LRRIQ4: variants seen among roughly 807,000 people sequenced by gnomAD.
LRRIQ4 encodes the protein leucine-rich repeat and IQ domain-containing protein 4.
A neutral mutation model predicts 40.1 loss-of-function variants in LRRIQ4; 21 were observed. That is an observed-to-expected ratio of 0.52 (90% CI 0.37 to 0.75). The LOEUF is 0.75. LRRIQ4 is among the 30% of genes least tolerant of loss of function. The pLI is 0.00. For synonymous variants in LRRIQ4, 277 were observed against 277.1 expected, an observed-to-expected ratio of 1.00 and a Z score of 0.00; for missense variants, 655 against 660.0, an observed-to-expected ratio of 0.99 and a Z score of 0.08.
At chr3:169,831,136 G>A (rs545039314) in intron 4 of LRRIQ4, among the ~76,000 whole-genome samples, 2 of 150,572 alleles carry the variant, frequency 1.3e-5, no homozygotes, top group Admixed American at 1.3e-4. Context: ...GCCATTCTTT[G>A]TCTGTACATT....
intron 1 of LRRIQ4, among the ~76,000 whole-genome samples, chr3:169,813,935 G>A (rs914539408): frequency 5.3e-5 from 8 of 152,122 alleles, no homozygotes; most frequent in Admixed American, 3.9e-4. Context: ...CGTGGGCTCC[G>A]AACTCACCGC....
At chr3:169,816,684 T>A (rs1212850709) in intron 1 of LRRIQ4, among the ~76,000 whole-genome samples, 1 of 151,460 alleles carries the variant, frequency 6.6e-6, no homozygotes, top group African/African-American at 2.4e-5. Context: ...CTTTTTTTTT[T>A]TTTTTTGACA....
At chr3:169,828,736 T>G in intron 2 of LRRIQ4, 23 bp from the exon 3 acceptor site, 1 of 1,599,262 alleles carries the variant, frequency 6.3e-7, no homozygotes. Flanking sequence ...GACCTGAAAC[T>G]TATCTTTTTG....
chr3:169,817,128 G>C (rs1779785835), intron 1 of LRRIQ4, among the ~76,000 whole-genome samples: 1 of 152,062 alleles, frequency 6.6e-6, no homozygotes, highest in Non-Finnish European at 1.5e-5. Context: ...GTTTTGTTAT[G>C]TTGTGTTTCC....
intron 1 of LRRIQ4, among the ~76,000 whole-genome samples, chr3:169,814,465 A>T (rs1039949933): frequency 1.3e-5 from 2 of 149,834 alleles, no homozygotes; most frequent in East Asian, 1.9e-4. Context: ...GTCTGTGCCT[A>T]CTAGGGTCTT....
chr3:169,836,388 G>A (rs146961006), intron 5 of LRRIQ4, among the ~76,000 whole-genome samples: 43 of 152,316 alleles, frequency 2.8e-4, no homozygotes, highest in African/African-American at 1.0e-3. Context: ...GAGGCTGGAA[G>A]TCTAAGGTCA....
intron 1 of LRRIQ4, among the ~76,000 whole-genome samples, 166 bp downstream of exon 1, chr3:169,813,212 G>C (rs1292301743): frequency 6.6e-6 from 1 of 152,234 alleles, no homozygotes; most frequent in Non-Finnish European, 1.5e-5. Flanking sequence ...CTTTAATCTG[G>C]TGCTGCAGCC....
chr3:169,830,309 G>T (rs1015008792), intron 3 of LRRIQ4, among the ~76,000 whole-genome samples, 183 bp from the exon 4 acceptor site: 2 of 135,270 alleles, frequency 1.5e-5, no homozygotes, highest in African/African-American at 5.5e-5. Context: ...AATAATTTTG[G>T]GTCTTGATGA....
At chr3:169,837,249 G>T (rs1780324038) in intron 5 of LRRIQ4, among the ~76,000 whole-genome samples, 1 of 152,144 alleles carries the variant, frequency 6.6e-6, no homozygotes, top group Non-Finnish European at 1.5e-5. Context: ...CTCTGCTGTT[G>T]CCCAAAAGTC....
intron 5 of LRRIQ4, among the ~76,000 whole-genome samples, chr3:169,836,212 G>T (rs1226694490): frequency 6.6e-6 from 1 of 151,972 alleles, no homozygotes; most frequent in Non-Finnish European, 1.5e-5. Flanking sequence ...AGCCTAAGGG[G>T]AACTGAAATT....
chr3:169,830,635 G>A lies in LRRIQ4; in HGVS notation c.1333+5G>A. The A allele has an allele frequency of 6.2e-7, 1 of 1,613,850 alleles. No homozygotes were observed. Among genetic ancestry groups the A allele is most frequent in the Non-Finnish European group, 8.5e-7 (1 of 1,179,846 alleles). ...ATGCCATTTGCCAAGCACAAGGTGA[G>A]GAAACTTAGTAGATTCACAGCCTAG... is the stretch of plus-strand genomic sequence containing the variant. On this transcript the variant is annotated splice_donor_5th_base_variant and intron_variant, in intron 4 of 5. Coordinates refer to ENST00000340806, the MANE Select transcript of LRRIQ4 (RefSeq NM_001080460.3).
intron 1 of LRRIQ4, among the ~76,000 whole-genome samples, chr3:169,814,961 A>G (rs1390093089): frequency 2.6e-5 from 4 of 152,172 alleles, no homozygotes; most frequent in Non-Finnish European, 5.9e-5. Flanking sequence ...ATGGATTTAT[A>G]TCTGGGTTCT....
chr3:169,824,477 ATAT>A (rs1427763734), intron 2 of LRRIQ4, among the ~76,000 whole-genome samples: 5 of 151,876 alleles, frequency 3.3e-5, no homozygotes, highest in African/African-American at 1.2e-4. Flanking sequence ...TTATTTTATA[ATAT>A]TCTATTTATT....
chr3:169,829,026 TGTA>T, intron 3 of LRRIQ4, 94 bp downstream of exon 3: 1 of 1,125,426 alleles, frequency 8.9e-7, no homozygotes, highest in Non-Finnish European at 1.3e-6. Context: ...ACAGGCTGGA[TGTA>T]GAATCATCCA....
At chr3:169,823,669 A>G (rs570182576) in intron 2 of LRRIQ4, among the ~76,000 whole-genome samples, 27 of 152,262 alleles carry the variant, frequency 1.8e-4, no homozygotes, top group African/African-American at 5.3e-4. Context: ...CTTAACAAAG[A>G]CAATCTCCTG....
intron 2 of LRRIQ4, among the ~76,000 whole-genome samples, chr3:169,826,742 G>C (rs1780048661): frequency 1.3e-5 from 2 of 152,172 alleles, no homozygotes; most frequent in South Asian, 4.1e-4. Flanking sequence ...ACAGAATGCA[G>C]GCATTTTGTA....
intron 1 of LRRIQ4, among the ~76,000 whole-genome samples, chr3:169,813,693 C>A (rs1190835559): frequency 6.6e-6 from 1 of 152,196 alleles, no homozygotes; most frequent in Non-Finnish European, 1.5e-5. Context: ...AAATTTGTAA[C>A]GGGGTCTTTG....
At chr3:169,832,631 C>CAAAAAAAAA (rs3047516) in intron 4 of LRRIQ4, among the ~76,000 whole-genome samples, 4 of 67,368 alleles carry the variant, frequency 5.9e-5, no homozygotes, top group East Asian at 4.2e-4. Flanking sequence ...GACTCTGTCT[C>CAAAAAAAAA]AAAAAAAAAA....
chr3:169,830,398 A>AAAAAAAAAAAAAAG (rs1780138277), intron 3 of LRRIQ4, 94 bp from the exon 4 acceptor site: 1 of 498,890 alleles, frequency 2.0e-6, no homozygotes, highest in Non-Finnish European at 2.9e-6. Context: ...AAAAAAAAAA[A>AAAAAAAAAAAAAAG]AAAAAAAAAA....
Sources: allele counts gnomAD v4.1 joint callset (sites outside exome capture counted in the v4.1 genomes callset), GRCh38; gene constraint gnomAD v4.1.1; transcripts MANE v1.5; gene names NCBI Gene and HGNC (gene_info 2026-07-23, HGNC 2026-07-21).